ASAP1: variants seen among roughly 807,000 people sequenced by gnomAD.
The protein encoded by ASAP1 is ArfGAP with SH3 domain, ankyrin repeat and PH domain 1.
Under a neutral mutation model 145.2 loss-of-function variants are expected in ASAP1, and 43 were observed. The ratio of observed to expected loss-of-function variants is 0.30; its 90% CI spans 0.23 to 0.38. ASAP1 has a LOEUF of 0.38. Ranked by LOEUF, ASAP1 falls within the 10% of genes least tolerant of loss-of-function variation. The pLI, the probability that ASAP1 is intolerant of heterozygous loss-of-function variation, is 1.00. For synonymous variants in ASAP1, 546 were observed against 515.5 expected (o/e 1.06, Z -0.80); for missense variants, 1,018 against 1,355.3 (o/e 0.75, Z 3.91).
intron 2 of ASAP1, among the ~76,000 whole-genome samples, chr8:130,379,249 C>T (rs1257654387): frequency 6.6e-6 from 1 of 152,182 alleles, no homozygotes; most frequent in Non-Finnish European, 1.5e-5. Context: ...GCCCCCTCCC[C>T]CATACCTGGC....
chr8:130,383,246 G>A (rs1827862122), intron 2 of ASAP1, among the ~76,000 whole-genome samples: 1 of 152,192 alleles, frequency 6.6e-6, no homozygotes, highest in Admixed American at 6.5e-5. Context: ...GATTCCCCAG[G>A]CTCCAGCCCC....
At chr8:130,133,664 AAAAC>A (rs151021142) in intron 15 of ASAP1, among the ~76,000 whole-genome samples, 23,353 of 147,954 alleles carry the variant, frequency 0.16, 2,067 homozygotes, top group African/African-American at 0.23. Context: ...CTCCGTCTCA[AAAAC>A]AAACAAACAA....
intron 25 of ASAP1, among the ~76,000 whole-genome samples, chr8:130,086,668 G>C (rs1162750892): frequency 6.6e-6 from 1 of 152,166 alleles, no homozygotes; most frequent in Non-Finnish European, 1.5e-5. Flanking sequence ...GCTGGGCATG[G>C]TGGTGCACAC....
intron 5 of ASAP1, among the ~76,000 whole-genome samples, chr8:130,202,577 AATGTTTCTACTT>A (rs1340417617): frequency 6.6e-6 from 1 of 152,210 alleles, no homozygotes; most frequent in Non-Finnish European, 1.5e-5. Context: ...AATATTATTT[AATGTTTCTACTT>A]ATGAAAACAG....
chr8:130,286,552 T>C (rs1821625374), intron 3 of ASAP1, among the ~76,000 whole-genome samples: 1 of 152,144 alleles, frequency 6.6e-6, no homozygotes, highest in South Asian at 2.1e-4. Flanking sequence ...GCAACTTACT[T>C]AATACTTGTA....
chr8:130,161,616 T>C (rs1052286728), intron 11 of ASAP1, among the ~76,000 whole-genome samples: 1 of 152,140 alleles, frequency 6.6e-6, no homozygotes, highest in South Asian at 2.1e-4. Flanking sequence ...CTGACTCACA[T>C]TAAAGAGGTT....
At chr8:130,056,352 C>A (rs906131233) in intron 29 of ASAP1, among the ~76,000 whole-genome samples, 8 of 152,188 alleles carry the variant, frequency 5.3e-5, no homozygotes, top group Non-Finnish European at 1.0e-4. Flanking sequence ...TGGAGGTACC[C>A]CTGGGCCTCC....
At chr8:130,407,951 G>A (rs962998512) in intron 1 of ASAP1, among the ~76,000 whole-genome samples, 2 of 152,166 alleles carry the variant, frequency 1.3e-5, no homozygotes, top group Non-Finnish European at 2.9e-5. Context: ...ATTTACTGAT[G>A]TAATTCTTTC....
chr8:130,218,074 A>C (rs1817045132), intron 4 of ASAP1, among the ~76,000 whole-genome samples: 1 of 152,158 alleles, frequency 6.6e-6, no homozygotes, highest in Non-Finnish European at 1.5e-5. Context: ...TCAGAAAAAC[A>C]GAAAAGAAAG....
At chr8:130,120,059 G>A (rs2097563187) in intron 18 of ASAP1, among the ~76,000 whole-genome samples, 1 of 152,216 alleles carries the variant, frequency 6.6e-6, no homozygotes, top group African/African-American at 2.4e-5. Flanking sequence ...AGTTGAGCTG[G>A]TTGATGATGG....
chr8:130,359,232 G>T (rs372205776), intron 2 of ASAP1, among the ~76,000 whole-genome samples: 1 of 152,126 alleles, frequency 6.6e-6, no homozygotes, highest in Non-Finnish European at 1.5e-5. Context: ...TAACTTGCAG[G>T]AAAGCCGAGG....
intron 2 of ASAP1, among the ~76,000 whole-genome samples, chr8:130,379,761 C>A (rs770712520): frequency 6.6e-6 from 1 of 152,196 alleles, no homozygotes; most frequent in Non-Finnish European, 1.5e-5. Flanking sequence ...AGACACTCCC[C>A]GGGCCCTACT....
At chr8:130,335,509 G>A (rs1358511921) in intron 3 of ASAP1, among the ~76,000 whole-genome samples, 1 of 152,214 alleles carries the variant, frequency 6.6e-6, no homozygotes, top group East Asian at 1.9e-4. Flanking sequence ...ATGAATGCAT[G>A]AAATTGTCCT....
At chr8:130,197,012 T>A (rs902929579) in intron 5 of ASAP1, among the ~76,000 whole-genome samples, 5 of 152,218 alleles carry the variant, frequency 3.3e-5, no homozygotes, top group African/African-American at 1.2e-4. Flanking sequence ...GAGCAAAGAA[T>A]CCCAGAGGCA....
At chr8:130,376,623 G>A (rs1474361942) in intron 2 of ASAP1, among the ~76,000 whole-genome samples, 2 of 152,134 alleles carry the variant, frequency 1.3e-5, no homozygotes, top group East Asian at 1.9e-4. Flanking sequence ...CTACTCGGGA[G>A]GCTGAGGCAA....
intron 3 of ASAP1, among the ~76,000 whole-genome samples, chr8:130,346,644 C>T (rs1021351596): frequency 1.3e-5 from 2 of 152,172 alleles, no homozygotes; most frequent in African/African-American, 2.4e-5. Flanking sequence ...CAGCAATGTT[C>T]GCAGATTCTG....
At chr8:130,283,286 A>G (rs993942053) in intron 3 of ASAP1, among the ~76,000 whole-genome samples, 6 of 151,930 alleles carry the variant, frequency 3.9e-5, no homozygotes, top group African/African-American at 1.2e-4. Flanking sequence ...CAAACAAACA[A>G]AAACCAAAAA....
At chr8:130,310,474 A>G (rs945026802) in intron 3 of ASAP1, among the ~76,000 whole-genome samples, 3 of 152,196 alleles carry the variant, frequency 2.0e-5, no homozygotes, top group South Asian at 2.1e-4. Flanking sequence ...TCATGGTGAT[A>G]GATGTGTCAT....
chr8:130,053,008 T>C lies in ASAP1; in HGVS notation c.*1723A>G, dbSNP rs2097396307. The C allele has an allele frequency of 6.6e-6, 1 of 152,212 alleles. No homozygotes were observed. The highest frequency in any genetic ancestry group is 1.5e-5 in the Non-Finnish European group (1 of 68,034). The allele number at this position is 152,212 out of a possible 1,614,324, so 9.4% of individuals were successfully genotyped here. Reference sequence around the variant, plus strand: ...ATGTGCCCTGACACTGAGGAAGCAATTGCTTAAAATCACTTTCCAATAACA... The same window carrying C: ...ATGTGCCCTGACACTGAGGAAGCAACTGCTTAAAATCACTTTCCAATAACA... On this transcript the variant is annotated 3_prime_UTR_variant, in exon 30 of 30. Coordinates refer to ENST00000518721, the MANE Select transcript of ASAP1 (RefSeq NM_018482.4).
Sources: allele counts gnomAD v4.1 joint callset (sites outside exome capture counted in the v4.1 genomes callset), GRCh38; gene constraint gnomAD v4.1.1; transcripts MANE v1.5; gene names NCBI Gene and HGNC (gene_info 2026-07-23, HGNC 2026-07-21).